Variants in PKP2 observed in about 807,000 individuals in gnomAD.
PKP2 encodes the protein plakophilin-2.
Under a neutral mutation model 83.4 loss-of-function variants are expected in PKP2, and 73 were observed. That is an observed-to-expected ratio of 0.88 (90% CI 0.72 to 1.06). PKP2 has a LOEUF of 1.06. Ranked by LOEUF, PKP2 falls within the 50% of genes least tolerant of loss-of-function variation. PKP2 has a pLI of 0.00. For synonymous variants in PKP2, 409 were observed against 430.4 expected, an observed-to-expected ratio of 0.95 and a Z score of 0.62; for missense variants, 966 against 1,065.4, an observed-to-expected ratio of 0.91 and a Z score of 1.30.
intron 9 of PKP2, among the ~76,000 whole-genome samples, chr12:32,817,664 A>C (rs1420921845): frequency 6.6e-6 from 1 of 152,208 alleles, no homozygotes; most frequent in African/African-American, 2.4e-5. Flanking sequence ...CATTTTAATG[A>C]AGTCTTTCCC....
chr12:32,826,424 G>A (rs571082592), intron 6 of PKP2, among the ~76,000 whole-genome samples: 1 of 151,974 alleles, frequency 6.6e-6, no homozygotes, highest in African/African-American at 2.4e-5. Flanking sequence ...AAACCCGACT[G>A]TTTTAACCCT....
chr12:32,821,279 T>C, intron 9 of PKP2, 77 bp downstream of exon 9: 1 of 1,293,294 alleles, frequency 7.7e-7, no homozygotes, highest in Non-Finnish European at 1.1e-6. Context: ...TCCCTCACTG[T>C]TTCATCTCTG....
intron 3 of PKP2, among the ~76,000 whole-genome samples, chr12:32,876,206 A>C (rs1251559787): frequency 1.3e-5 from 2 of 152,152 alleles, no homozygotes; most frequent in Non-Finnish European, 2.9e-5. Flanking sequence ...GTGTCTGCTT[A>C]GGATGTAGCA....
intron 10 of PKP2, among the ~76,000 whole-genome samples, chr12:32,800,583 T>C (rs7133291): frequency 0.21 from 31,280 of 152,096 alleles, 3,889 homozygotes; most frequent in East Asian, 0.56. Flanking sequence ...CTACTTAATG[T>C]CTCTATTTGT....
chr12:32,819,909 C>A (rs1592736524), intron 9 of PKP2, among the ~76,000 whole-genome samples: 2 of 143,588 alleles, frequency 1.4e-5, no homozygotes, highest in Non-Finnish European at 3.0e-5. Flanking sequence ...ATTTAATTTT[C>A]TTTTATGTTA....
At chr12:32,845,551 C>CA (rs1367673572) in intron 5 of PKP2, among the ~76,000 whole-genome samples, 1 of 151,618 alleles carries the variant, frequency 6.6e-6, no homozygotes, top group African/African-American at 2.4e-5. Context: ...GACTCCGTCT[C>CA]AAAAAAATAA....
At chr12:32,800,255 T>C (rs1956167669) in intron 10 of PKP2, among the ~76,000 whole-genome samples, 1 of 152,244 alleles carries the variant, frequency 6.6e-6, no homozygotes, top group South Asian at 2.1e-4. Context: ...AGTAATGAAT[T>C]GTGTGACTGT....
intron 9 of PKP2, among the ~76,000 whole-genome samples, chr12:32,807,691 C>A (rs1360262391): frequency 6.6e-6 from 1 of 152,154 alleles, no homozygotes; most frequent in Non-Finnish European, 1.5e-5. Context: ...ACATTTAGTG[C>A]TTCCTTCAGG....
intron 9 of PKP2, among the ~76,000 whole-genome samples, chr12:32,814,901 G>A (rs184986818): frequency 1.3e-4 from 20 of 151,986 alleles, no homozygotes; most frequent in African/African-American, 4.6e-4. Context: ...CTCCACCCTA[G>A]GCGACAGAGT....
In PKP2 at chr12:32,792,503, A is replaced by T. The variant is rs1345912941; in HGVS notation, c.2446-11T>A. The T allele has an allele frequency of 1.9e-6, 3 of 1,612,558 alleles. No homozygotes were observed. In the South Asian group the frequency reaches 3.3e-5, roughly 18 times the overall value. ...CTTCTTAAACTGAGCCTTTGGAATA[A>T]GCAAACAGAAACGTGAAAGGTAACA... On this transcript the variant is annotated splice_polypyrimidine_tract_variant and intron_variant, in intron 12 of 12. Transcript: ENST00000340811.
chr12:32,861,956 G>GGT (rs1956802391), intron 4 of PKP2, among the ~76,000 whole-genome samples: 1 of 152,120 alleles, frequency 6.6e-6, no homozygotes, highest in Non-Finnish European at 1.5e-5. Flanking sequence ...GGAGTGCAGT[G>GGT]GTGTGATCTC....
intron 6 of PKP2, among the ~76,000 whole-genome samples, chr12:32,839,215 T>C (rs1336783028): frequency 1.3e-5 from 2 of 152,030 alleles, no homozygotes; most frequent in African/African-American, 2.4e-5. Flanking sequence ...CCTTTTCTTA[T>C]GGTAACAGAT....
intron 4 of PKP2, among the ~76,000 whole-genome samples, chr12:32,858,721 A>G (rs953015929): frequency 3.3e-5 from 5 of 152,272 alleles, no homozygotes; most frequent in Admixed American, 2.6e-4. Flanking sequence ...GTAACAACAA[A>G]TTAATATGTG....
In PKP2 at chr12:32,878,496, T is replaced by A. The variant is rs1220190119; in HGVS notation, c.384A>T (p.Ala128=). The change falls in exon 3 of 13, where the codon GCA becomes GCT. Residue 128 remains alanine, a synonymous_variant. Transcript: ENST00000340811. ...CCACGGACTTCTGGGAGCTGTACTGTGCTGTTCCTCTTCCCCAGCGACCTT... is the reference window on the plus strand; with the variant it reads ...CCACGGACTTCTGGGAGCTGTACTGAGCTGTTCCTCTTCCCCAGCGACCTT... ...TYEGRWGRGT[A]QYSSQKSVEE... 6.2e-7 allele frequency: 1 copy of A among 1,613,214 alleles called. No homozygotes were observed. Among genetic ancestry groups the A allele is most frequent in the Non-Finnish European group, 8.5e-7 (1 of 1,179,554 alleles).
intron 5 of PKP2, among the ~76,000 whole-genome samples, chr12:32,846,189 A>G (rs191170067): frequency 6.6e-6 from 1 of 152,276 alleles, no homozygotes; most frequent in African/African-American, 2.4e-5. Flanking sequence ...TTTTAATCCA[A>G]GGCATATCCC....
chr12:32,868,986 A>C lies in PKP2; in HGVS notation c.1111T>G (p.Ser371Ala). The change falls in exon 4 of 13, where the codon TCT becomes GCT. Residue 371 changes from serine (S) to alanine (A), a missense_variant. Physicochemically the swap from Ser to Ala is moderately conservative, Grantham distance 99. Transcript: ENST00000340811. ...TGCTGTATGAAAGTAGCTGCAGCAG[A>C]AATCCTGGATGGCAGCATGTGGTCT... ...EADHMLPSRI[S>A]AAATFIQHEC... The C allele has an allele frequency of 6.2e-7, 1 of 1,614,082 alleles. No individual in the cohort carries two copies. The highest frequency in any genetic ancestry group is 1.7e-5 in the Admixed American group (1 of 60,030).
At chr12:32,886,156 T>A (rs1369506129) in intron 1 of PKP2, among the ~76,000 whole-genome samples, 1 of 152,238 alleles carries the variant, frequency 6.6e-6, no homozygotes, top group Admixed American at 6.5e-5. Flanking sequence ...GTCCTCACAG[T>A]GTGGATTCAC....
chr12:32,817,106 T>G (rs913852944), intron 9 of PKP2, among the ~76,000 whole-genome samples: 2 of 152,094 alleles, frequency 1.3e-5, no homozygotes, highest in Non-Finnish European at 2.9e-5. Flanking sequence ...GGTCCCAGAA[T>G]AGACAACCCA....
At chr12:32,809,821 G>T (rs1956261650) in intron 9 of PKP2, among the ~76,000 whole-genome samples, 1 of 152,158 alleles carries the variant, frequency 6.6e-6, no homozygotes, top group African/African-American at 2.4e-5. Context: ...GGGGGTGGGG[G>T]TTCCTTTGGC....
Sources: allele counts gnomAD v4.1 joint callset (sites outside exome capture counted in the v4.1 genomes callset), GRCh38; gene constraint gnomAD v4.1.1; transcripts MANE v1.5; gene names NCBI Gene and HGNC (gene_info 2026-07-23, HGNC 2026-07-21).